ZNF483: variants seen among roughly 807,000 people sequenced by gnomAD.
ZNF483 encodes zinc finger protein HIT-10.
ZNF483 carries 9 observed loss-of-function variants against 28.6 expected under a neutral mutation model. The ratio of observed to expected loss-of-function variants is 0.32; its 90% CI spans 0.19 to 0.55. The LOEUF (loss-of-function observed/expected upper bound fraction) is 0.55, where lower values mean the gene tolerates loss of function less well. Among genes scored for constraint, ZNF483 ranks in the 20% least tolerant of loss-of-function variants. The pLI, the probability that ZNF483 is intolerant of heterozygous loss-of-function variation, is 0.93. For missense variants in ZNF483, 675 were observed against 871.7 expected, an observed-to-expected ratio of 0.77 and a Z score of 2.84; for synonymous variants, 322 against 306.2, an observed-to-expected ratio of 1.05 and a Z score of -0.54.
intron 5 of ZNF483, among the ~76,000 whole-genome samples, chr9:111,567,761 C>T (rs963117240): frequency 6.6e-6 from 1 of 152,080 alleles, no homozygotes; most frequent in African/African-American, 2.4e-5. Context: ...TGGGAATTGT[C>T]TATAGGGATG....
rs1465472834 is a variant in ZNF483 at position 111,542,647 on chromosome 9, G to T, written c.1712G>T (p.Arg571Ile). The T allele has an allele frequency of 6.2e-7, 1 of 1,613,918 alleles. No homozygotes were observed. Among genetic ancestry groups the T allele is most frequent in the Non-Finnish European group, 8.5e-7 (1 of 1,180,004 alleles). The part of the protein sequence containing the change: ...SHSSSLSKHQ[R>I]IHTGEKPYKC... ...AGCTCATCCCTTTCCAAACATCAGA[G>T]AATTCATACTGGAGAGAAACCCTAT... The change falls in exon 6 of 6, where the codon AGA becomes ATA. Residue 571 changes from arginine (R) to isoleucine (I), a missense_variant. Transcript: ENST00000309235. The surrounding 1 kb of genome is among the most constrained non-coding windows in gnomAD (Gnocchi z 6.2).
intron 5 of ZNF483, among the ~76,000 whole-genome samples, chr9:111,537,055 C>G (rs1051101432): frequency 2.0e-5 from 3 of 152,078 alleles, no homozygotes; most frequent in Non-Finnish European, 2.9e-5. Flanking sequence ...GGAGCACTTC[C>G]AGCATTACTA....
At chr9:111,561,110 T>TATATATATATATAG (rs1457364862) in intron 5 of ZNF483, among the ~76,000 whole-genome samples, 3 of 19,192 alleles carry the variant, frequency 1.6e-4, no homozygotes, top group Non-Finnish European at 2.5e-4. Context: ...TATATATATA[T>TATATATATATATAG]AGAGAGAGAG....
chr9:111,525,697 G>A (rs1827169803), intron 1 of ZNF483, among the ~76,000 whole-genome samples: 1 of 152,100 alleles, frequency 6.6e-6, no homozygotes, highest in African/African-American at 2.4e-5. Flanking sequence ...TCCTCTGGCT[G>A]CGTCACATTT....
chr9:111,530,800 TAC>T (rs58199175), intron 2 of ZNF483, 73 bp from the exon 3 acceptor site: 5,700 of 56,042 alleles, frequency 0.1, 688 homozygotes, highest in Non-Finnish European at 0.14. Context: ...TATATATATA[TAC>T]ATATATATAT....
At chr9:111,577,010 G>T (rs1291078717) in exon 6 of ZNF483, 1 of 152,028 alleles carries the variant, frequency 6.6e-6, no homozygotes, top group African/African-American at 2.4e-5. Flanking sequence ...AGAATCACTT[G>T]AACTCGGGAG....
intron 5 of ZNF483, among the ~76,000 whole-genome samples, chr9:111,536,885 AAG>A (rs1184634168): frequency 6.6e-6 from 1 of 152,216 alleles, no homozygotes; most frequent in East Asian, 1.9e-4. Context: ...TAAGACAAGA[AAG>A]AAAATAACAT....
At chr9:111,564,613 G>A (rs552754598) in intron 5 of ZNF483, among the ~76,000 whole-genome samples, 6 of 151,808 alleles carry the variant, frequency 4.0e-5, no homozygotes, top group Non-Finnish European at 8.8e-5. Context: ...GCTGAGATTT[G>A]AACTTTTGAC....
chr9:111,572,578 A>C (rs1401252649), intron 5 of ZNF483, among the ~76,000 whole-genome samples: 3 of 151,950 alleles, frequency 2.0e-5, no homozygotes, highest in African/African-American at 7.2e-5. Flanking sequence ...CGACAGAGTG[A>C]GACTCTGTCT....
At chr9:111,564,994 TG>T (rs1401713004) in intron 5 of ZNF483, among the ~76,000 whole-genome samples, 1 of 151,756 alleles carries the variant, frequency 6.6e-6, no homozygotes, top group Non-Finnish European at 1.5e-5. Context: ...CGTGGTGGCG[TG>T]TACCTGTAAT....
At chr9:111,538,382 G>T (rs1277428965) in intron 5 of ZNF483, among the ~76,000 whole-genome samples, 3 of 151,852 alleles carry the variant, frequency 2.0e-5, no homozygotes, top group African/African-American at 7.3e-5. Context: ...AGGCACAGTG[G>T]TGTGTGCCGT....
At chr9:111,572,647 C>T (rs1326166261) in intron 5 of ZNF483, among the ~76,000 whole-genome samples, 1 of 149,158 alleles carries the variant, frequency 6.7e-6, no homozygotes, top group Non-Finnish European at 1.5e-5. Context: ...GTCTCAGCTA[C>T]TCGGGAGGCT....
At position 111,550,179 on chromosome 9, in the gene ZNF483, T is replaced by C. The variant is rs1281380739; in HGVS notation, c.*7009T>C. On this transcript the variant is annotated 3_prime_UTR_variant, in exon 6 of 6. Transcript: ENST00000309235. ...TCAATTCTTTACAGAGCCTGCGTTT[T>C]TCCCTGGGCGGGAGCAATGGCTTTC... Among the ~76,000 whole-genome samples the C allele has an allele frequency of 6.6e-6, 1 of 152,222 alleles. No homozygotes were observed. The highest frequency in any genetic ancestry group is 1.5e-5 in the Non-Finnish European group (1 of 68,036).
chr9:111,530,810 TATATAAG>T (rs1827323126), intron 2 of ZNF483, 58 bp from the exon 3 acceptor site: 7 of 158,018 alleles, frequency 4.4e-5, no homozygotes, highest in South Asian at 1.2e-4. Flanking sequence ...TACATATATA[TATATAAG>T]ATTTTTAGTC....
chr9:111,545,765 A>G lies in ZNF483; in HGVS notation c.*2595A>G, dbSNP rs556020316. ...TCATAAATAATATTACATTATGTGG[A>G]TGCTTCGTGCATTCACTAGTTGAAG... On this transcript the variant is annotated 3_prime_UTR_variant, in exon 6 of 6. Transcript: ENST00000309235. Among the ~76,000 whole-genome samples the G allele has an allele frequency of 7.9e-5, 12 of 152,190 alleles. No individual in the cohort carries two copies. The highest frequency in any genetic ancestry group is 2.4e-4 in the African/African-American group (10 of 41,512).
intron 5 of ZNF483, chr9:111,574,677 G>C (rs1195008362): frequency 3.2e-5 from 39 of 1,228,286 alleles, no homozygotes; most frequent in Non-Finnish European, 4.1e-5. Context: ...GCATATCTGT[G>C]AATTTTCTCC....
intron 5 of ZNF483, among the ~76,000 whole-genome samples, chr9:111,562,422 T>A (rs187014033): frequency 6.6e-6 from 1 of 151,888 alleles, no homozygotes; most frequent in East Asian, 1.9e-4. Context: ...ATTACAGGCA[T>A]GTGCCACCAC....
rs143325060 is a variant in ZNF483, at chr9:111,541,804, C to G, written c.869C>G (p.Thr290Ser). The change falls in exon 6 of 6, where the codon ACT (threonine) becomes AGT (serine). Residue 290 changes from threonine to serine, a missense_variant. This residue lies in a region of ZNF483 where 525 missense variants were observed against 581.8 expected (regional missense o/e 0.90). Transcript: ENST00000309235. ...NSKGRVAQNK[T>S]LGSGSRGKKF... is the part of the protein sequence containing the mutation. ...AAAGGAAGAGTCGCACAAAACAAAACTCTTGGGAGTGGCAGTAGGGGTAAG... is the reference window on the plus strand; with the variant it reads ...AAAGGAAGAGTCGCACAAAACAAAAGTCTTGGGAGTGGCAGTAGGGGTAAG... 205 of 1,613,978 alleles carry G rather than the reference C, an allele frequency of 1.3e-4. No individual in the cohort carries two copies. In the Middle Eastern group the frequency reaches 1.5e-3, roughly 12 times the overall value.
At chr9:111,569,399 C>T (rs991293077) in intron 5 of ZNF483, among the ~76,000 whole-genome samples, 1 of 152,164 alleles carries the variant, frequency 6.6e-6, no homozygotes, top group Admixed American at 6.6e-5. Context: ...AGAGAATGAT[C>T]ACTATGAAAT....
Sources: allele counts gnomAD v4.1 joint callset (sites outside exome capture counted in the v4.1 genomes callset), GRCh38; gene constraint gnomAD v4.1.1; regional missense constraint gnomAD v4.1.1; non-coding constraint Gnocchi (gnomAD v3.1); transcripts MANE v1.5; gene names NCBI Gene and HGNC (gene_info 2026-07-23, HGNC 2026-07-21).